Variants in SMG9 observed in about 807,000 individuals in gnomAD.
SMG9 encodes SMG9 nonsense mediated mRNA decay factor.
In SMG9, 55 loss-of-function variants were observed where a neutral mutation model predicts 64.0. That is an observed-to-expected ratio of 0.86 (90% CI 0.69 to 1.08). The LOEUF is 1.08. SMG9 is among the 50% of genes least tolerant of loss of function. The probability of loss-of-function intolerance (pLI) is 0.00; values close to 1 mark genes in which losing one functional copy is unlikely to be tolerated. For synonymous variants in SMG9, 244 were observed against 254.8 expected (o/e 0.96, Z 0.41); for missense variants, 554 against 681.3 (o/e 0.81, Z 2.08).
Position 43,729,062 on chromosome 19 carries a change from G to C in SMG9, c.*2534C>G, listed in dbSNP as rs1278367091. 1.0e-6 allele frequency: 1 copy of C among 985,164 alleles called. No individual in the cohort carries two copies. Among genetic ancestry groups the C allele is most frequent in the Non-Finnish European group, 1.2e-6 (1 of 829,706 alleles). The allele number at this position is 985,164 out of a possible 1,614,324, so 61.0% of individuals were successfully genotyped here. ...CCTGAGTCCTCTGCTGGATGTAAAG[G>C]GGGTGGCGGGTGACCGGTACATACT... On this transcript the variant is annotated 3_prime_UTR_variant, in exon 14 of 14. Coordinates refer to ENST00000270066, the MANE Select transcript of SMG9 (RefSeq NM_019108.4).
At chr19:43,752,177 C>T (rs116414713) in intron 1 of SMG9, among the ~76,000 whole-genome samples, 57 of 152,346 alleles carry the variant, frequency 3.7e-4, no homozygotes, top group African/African-American at 1.3e-3. Flanking sequence ...CCGTTCCTGA[C>T]GGTCTGCCTT....
rs1324550928 is a variant in SMG9 at position 43,733,387 on chromosome 19, C to T, written c.1276G>A (p.Val426Ile). ...GLPPDFLDSEVNLFLVPFMDS... is the reference protein window; with the variant it reads ...GLPPDFLDSEINLFLVPFMDS... The stretch of plus-strand genomic sequence containing the variant: ...ATGAAGGGTACCAGGAATAAGTTGA[C>T]CTCAGAGTCCAGGAAGTCAGGTGGA... Residue 426 changes from valine (V) to isoleucine (I), a missense_variant, in exon 12 of 14, where the codon GTC becomes ATC. Physicochemically the swap from Val to Ile is conservative, Grantham distance 29. Transcript: ENST00000270066. 1 of 1,614,110 alleles carries T rather than the reference C, an allele frequency of 6.2e-7. No individual in the cohort carries two copies. The highest frequency in any genetic ancestry group is 1.7e-5 in the Admixed American group (1 of 60,016).
chr19:43,741,535 C>A (rs1968846293), intron 6 of SMG9, among the ~76,000 whole-genome samples: 1 of 152,136 alleles, frequency 6.6e-6, no homozygotes, highest in South Asian at 2.1e-4. Context: ...TTTGAAAGGT[C>A]CCCTTGCTGC....
chr19:43,738,216 G>A lies in SMG9; in HGVS notation c.815C>T (p.Pro272Leu). ...GTCTAGGATAGAAGGGCTCAGGATGGGCTGCAGCAAGGAAGAGAACAGAGT... is the reference window on the plus strand; with the variant it reads ...GTCTAGGATAGAAGGGCTCAGGATGAGCTGCAGCAAGGAAGAGAACAGAGT... The part of the protein sequence containing the change: ...QERIVFLDTQ[P>L]ILSPSILDHL... The change falls in exon 8 of 14, where the codon CCC becomes CTC. Residue 272 changes from proline (P) to leucine (L), a missense_variant and splice_region_variant. Physicochemically the swap from Pro to Leu is moderately conservative, Grantham distance 98. Transcript: ENST00000270066. The A allele has an allele frequency of 6.2e-7, 1 of 1,613,926 alleles. No homozygotes were observed. Among genetic ancestry groups the A allele is most frequent in the South Asian group, 1.1e-5 (1 of 91,072 alleles).
chr19:43,743,245 T>C (rs1338488246), intron 6 of SMG9, among the ~76,000 whole-genome samples: 2 of 152,012 alleles, frequency 1.3e-5, no homozygotes, highest in East Asian at 1.9e-4. Context: ...AATTTGCTAG[T>C]TGGGGTGAAA....
At chr19:43,753,410 A>C (rs1030341962) in intron 1 of SMG9, among the ~76,000 whole-genome samples, 1 of 149,536 alleles carries the variant, frequency 6.7e-6, no homozygotes, top group Non-Finnish European at 1.5e-5. Flanking sequence ...CTGGCCTATG[A>C]GGATGCCCTT....
chr19:43,741,862 A>T lies in SMG9; in HGVS notation c.702-1644T>A, dbSNP rs138868842. On this transcript the variant is annotated intron_variant, in intron 6 of 13. Coordinates refer to ENST00000270066, the MANE Select transcript of SMG9 (RefSeq NM_019108.4). Reference sequence around the variant, plus strand: ...CTCATCTCTACAAAAAATAAAAAAAAATATTAAGGGCATGGTCGCTCATGC... The same window carrying T: ...CTCATCTCTACAAAAAATAAAAAAATATATTAAGGGCATGGTCGCTCATGC... 8.9e-4 allele frequency among the ~76,000 whole-genome samples: 136 copies of T among 152,108 alleles called. 2 individuals are homozygous for T. The highest frequency in any genetic ancestry group is 8.2e-3 in the Admixed American group (125 of 15,274).
In SMG9 at chr19:43,731,615, T is replaced by C. The variant is rs765086262; in HGVS notation, c.1544A>G (p.Tyr515Cys). ...TTGGCCTCAGGCCAGCAGGCGGCTG[T>C]ACTCTGCCAGAGCAGAGGACTTTCT... ...GVRKSSALAE[Y>C]SRLLA The change falls in exon 14 of 14, where the codon TAC (tyrosine) becomes TGC (cysteine). Residue 515 changes from tyrosine to cysteine, a missense_variant. Coordinates refer to ENST00000270066, the MANE Select transcript of SMG9 (RefSeq NM_019108.4). 1 of 1,614,246 alleles carries C rather than the reference T, an allele frequency of 6.2e-7. No individual in the cohort carries two copies. Among genetic ancestry groups the C allele is most frequent in the Non-Finnish European group, 8.5e-7 (1 of 1,180,044 alleles).
At chr19:43,743,693 G>T (rs749319422) in intron 6 of SMG9, among the ~76,000 whole-genome samples, 3 of 152,226 alleles carry the variant, frequency 2.0e-5, no homozygotes, top group African/African-American at 2.4e-5. Context: ...CTACTTGGGA[G>T]GCTGAAGTGG....
At chr19:43,735,190 G>A (rs529749776) in intron 9 of SMG9, among the ~76,000 whole-genome samples, 1 of 152,288 alleles carries the variant, frequency 6.6e-6, no homozygotes, top group Admixed American at 6.5e-5. Flanking sequence ...TTTTTATGGT[G>A]AGATAGCTCA....
chr19:43,748,927 G>A (rs891609872), intron 2 of SMG9: 2 of 459,308 alleles, frequency 4.4e-6, no homozygotes, highest in Non-Finnish European at 8.7e-6. Context: ...TGGACTTCCA[G>A]GAGGCTAGGA....
chr19:43,754,681 G>A lies in SMG9; in HGVS notation c.-34C>T, dbSNP rs1969300436. 1 of 152,086 alleles carries A rather than the reference G, an allele frequency of 6.6e-6. No individual in the cohort carries two copies. Among genetic ancestry groups the A allele is most frequent in the Non-Finnish European group, 1.5e-5 (1 of 67,994 alleles). The allele number at this position is 152,086 out of a possible 1,614,324, so 9.4% of individuals were successfully genotyped here. ...AACGCGGCTGCTGATTGGTTCTCGGGGCGCGGTGTGCGCTCTCCCGTGACG... is the reference window on the plus strand; with the variant it reads ...AACGCGGCTGCTGATTGGTTCTCGGAGCGCGGTGTGCGCTCTCCCGTGACG... On this transcript the variant is annotated 5_prime_UTR_variant, in exon 1 of 14. Coordinates refer to ENST00000270066, the MANE Select transcript of SMG9 (RefSeq NM_019108.4).
Position 43,748,025 on chromosome 19 carries a change from C to G in SMG9, c.178G>C (p.Val60Leu). 6.2e-7 allele frequency: 1 copy of G among 1,612,642 alleles called. No homozygotes were observed. Among genetic ancestry groups the G allele is most frequent in the Non-Finnish European group, 8.5e-7 (1 of 1,179,332 alleles). Residue 60 changes from valine to leucine, a missense_variant, in exon 3 of 14, where the codon GTC (valine) becomes CTC (leucine). Val to Leu is a conservative substitution (Grantham distance 32, BLOSUM62 1). Transcript: ENST00000270066. The stretch of plus-strand genomic sequence containing the variant: ...AGGATGATGGGGGTTTTCTGCATGA[C>G]GGAAGTGCTTGTCTCTTCGCTGGCA... Reference protein sequence around the residue: ...RDASEETSTSVMQKTPIILSK... With the variant: ...RDASEETSTSLMQKTPIILSK...
In SMG9 at chr19:43,740,139, T is replaced by G; in HGVS notation, c.781A>C (p.Thr261Pro). Residue 261 changes from threonine to proline, a missense_variant, in exon 7 of 14, where the codon ACC becomes CCC. Transcript: ENST00000270066. ...TCCAGGAAAACAATCCGTTCTTGGG[T>G]AATAAAGAAGTCGATGCCACTGGTC... ...NQTSGIDFFITQERIVFLDTQ... is the reference protein window; with the variant it reads ...NQTSGIDFFIPQERIVFLDTQ... 6.2e-7 allele frequency: 1 copy of G among 1,613,932 alleles called. No individual in the cohort carries two copies. Among genetic ancestry groups the G allele is most frequent in the Non-Finnish European group, 8.5e-7 (1 of 1,179,922 alleles).
At position 43,728,860 on chromosome 19, in the gene SMG9, T is replaced by C; in HGVS notation, c.*2736A>G. On this transcript the variant is annotated 3_prime_UTR_variant, in exon 14 of 14. Transcript: ENST00000270066. The stretch of plus-strand genomic sequence containing the variant: ...GGTGAGAAGGATACCAATGTATTCC[T>C]GTGTCTGAATTGAAAAGCGTGAGTT... 1 of 350,764 alleles carries C rather than the reference T, an allele frequency of 2.9e-6. No individual in the cohort carries two copies. Among genetic ancestry groups the C allele is most frequent in the Non-Finnish European group, 4.0e-6 (1 of 249,614 alleles). The allele number at this position is 350,764 out of a possible 1,614,324, so 21.7% of individuals were successfully genotyped here.
intron 9 of SMG9, chr19:43,734,764 A>G: frequency 3.0e-6 from 1 of 337,074 alleles, no homozygotes; most frequent in Non-Finnish European, 5.4e-6. Flanking sequence ...GGTTCACAGC[A>G]AAACTGAGCA....
chr19:43,749,973 G>A (rs1380032448), intron 2 of SMG9, among the ~76,000 whole-genome samples: 4 of 152,236 alleles, frequency 2.6e-5, no homozygotes, highest in African/African-American at 9.6e-5. Flanking sequence ...TGGGGTAGCT[G>A]TAAGGGTTCA....
chr19:43,748,838 G>A (rs758777278), intron 2 of SMG9: 3 of 514,596 alleles, frequency 5.8e-6, no homozygotes, highest in Admixed American at 2.0e-5. Flanking sequence ...ACTGGCTTAC[G>A]GTGAAGAACA....
At chr19:43,740,022 C>T (rs750869557) in intron 7 of SMG9, 85 bp downstream of exon 7, 28 of 979,324 alleles carry the variant, frequency 2.9e-5, no homozygotes, top group Admixed American at 2.6e-4. Flanking sequence ...ATGGAATCCA[C>T]GCAGGGTTCT....
Sources: gnomAD v4.1 joint callset for allele counts (sites outside exome capture counted in the v4.1 genomes callset) on GRCh38, gnomAD v4.1.1 for gene constraint, MANE v1.5 for transcripts, NCBI Gene and HGNC (gene_info 2026-07-23, HGNC 2026-07-21) for gene names.